Variants in FRMPD4 observed in about 807,000 individuals in gnomAD.
FRMPD4 encodes FERM and PDZ domain containing 4.
In FRMPD4, 22 loss-of-function variants were observed where a neutral mutation model predicts 94.1. The ratio of observed to expected loss-of-function variants is 0.23; its 90% CI spans 0.17 to 0.33. FRMPD4 has a LOEUF of 0.33. Ranked by LOEUF, FRMPD4 falls within the 10% of genes least tolerant of loss-of-function variation. The probability of loss-of-function intolerance (pLI) is 1.00; values close to 1 mark genes in which losing one functional copy is unlikely to be tolerated. For synonymous variants in FRMPD4, 631 were observed against 548.6 expected, an observed-to-expected ratio of 1.15 and a Z score of -2.10; for missense variants, 1,111 against 1,339.9, an observed-to-expected ratio of 0.83 and a Z score of 2.67.
intron 2 of FRMPD4, among the ~76,000 whole-genome samples, chrX:12,549,804 A>G (rs1282693789): frequency 8.9e-6 from 1 of 112,599 alleles, no homozygotes; most frequent in East Asian, 2.8e-4. Flanking sequence ...ACTCTGCCTT[A>G]CTTTCTACCT....
At chrX:12,658,761 G>A (rs1431795654) in intron 4 of FRMPD4, among the ~76,000 whole-genome samples, 1 of 110,710 alleles carries the variant, frequency 9.0e-6, no homozygotes. Context: ...CTTAAGAACC[G>A]AAGTTCATTT....
intron 2 of FRMPD4, among the ~76,000 whole-genome samples, chrX:12,557,727 T>C (rs2148340185): frequency 9.0e-6 from 1 of 111,652 alleles, no homozygotes; most frequent in East Asian, 2.8e-4. Context: ...CGTGATTTAT[T>C]CTAAGTGTTA....
At chrX:12,244,929 G>A (rs1200403184) in intron 1 of FRMPD4, among the ~76,000 whole-genome samples, 1 of 112,495 alleles carries the variant, frequency 8.9e-6, no homozygotes, top group Non-Finnish European at 1.9e-5. Flanking sequence ...AGGGTCCTGA[G>A]GCAGTCTCCT....
intron 3 of FRMPD4, among the ~76,000 whole-genome samples, chrX:12,079,477 G>A (rs1027578819): frequency 3.6e-5 from 4 of 111,345 alleles, no homozygotes; most frequent in Non-Finnish European, 5.7e-5. Context: ...CATTTCCAAA[G>A]GTTTATGTCC....
intron 1 of FRMPD4, among the ~76,000 whole-genome samples, chrX:12,477,395 G>A (rs6641008): frequency 0.08 from 8,987 of 111,727 alleles, 295 homozygotes; most frequent in East Asian, 0.15. Flanking sequence ...CATGGCACAC[G>A]TATACATATG....
At chrX:12,298,363 T>C (rs1040748033) in intron 1 of FRMPD4, among the ~76,000 whole-genome samples, 1 of 112,484 alleles carries the variant, frequency 8.9e-6, no homozygotes, top group African/African-American at 3.2e-5. Flanking sequence ...CAACTGAATA[T>C]ACAAGCTCTC....
At chrX:12,708,327 G>A (rs6641079) in intron 13 of FRMPD4, among the ~76,000 whole-genome samples, 13,602 of 109,504 alleles carry the variant, frequency 0.12, 1,192 homozygotes, top group East Asian at 0.71. Flanking sequence ...AAAATTAGCC[G>A]GGCGTGGTGG....
chrX:11,882,316 G>A (rs184441045), intron 3 of FRMPD4, among the ~76,000 whole-genome samples: 45 of 111,046 alleles, frequency 4.1e-4, no homozygotes, highest in African/African-American at 1.4e-3. Context: ...CAAAGGGGTC[G>A]AAGAGTGAGG....
At chrX:12,420,777 G>C (rs184471190) in intron 1 of FRMPD4, among the ~76,000 whole-genome samples, 1 of 112,343 alleles carries the variant, frequency 8.9e-6, no homozygotes, top group South Asian at 3.7e-4. Flanking sequence ...ACATGTAACC[G>C]CATGTTTGAT....
chrX:12,666,338 T>C (rs1216891671), intron 4 of FRMPD4, among the ~76,000 whole-genome samples: 1 of 110,874 alleles, frequency 9.0e-6, no homozygotes, highest in Admixed American at 9.6e-5. Context: ...GTGGGAGACT[T>C]TAACACCCCA....
chrX:12,526,976 TA>T (rs1374097666), intron 2 of FRMPD4, among the ~76,000 whole-genome samples: 3 of 109,046 alleles, frequency 2.8e-5, no homozygotes, highest in African/African-American at 1.0e-4. Flanking sequence ...ATTACAAGTT[TA>T]AAAAAAAAAG....
At position 12,718,388 on chromosome X, in the gene FRMPD4, G is replaced by A. The variant is rs2042148001; in HGVS notation, c.3562G>A (p.Ala1188Thr). Residue 1188 changes from alanine (A) to threonine (T), a missense_variant, in exon 16 of 17, where the codon GCC (alanine) becomes ACC (threonine). Around this residue, in one of 8 missense-constraint regions of FRMPD4, gnomAD observed 551 missense variants for 591.6 expected, o/e 0.93. Transcript: ENST00000675598. ...GCTTCCTGAGGCTGATGAGAGTGTG[G>A]CCCGCCTTTGTGACTACCACTTGGC... ...SKLPEADESV[A>T]RLCDYHLAKR... The A allele has an allele frequency of 8.3e-7, 1 of 1,210,201 alleles. No homozygotes were observed. The highest frequency in any genetic ancestry group is 2.2e-5 in the Admixed American group (1 of 45,906).
intron 3 of FRMPD4, among the ~76,000 whole-genome samples, chrX:11,919,150 T>C (rs1442849187): frequency 2.7e-5 from 3 of 112,710 alleles, no homozygotes; most frequent in Non-Finnish European, 5.6e-5. Context: ...TAGATTGTCC[T>C]GTGCATGGTA....
At chrX:12,354,983 T>C (rs964093286) in intron 1 of FRMPD4, among the ~76,000 whole-genome samples, 1 of 111,983 alleles carries the variant, frequency 8.9e-6, no homozygotes, top group Non-Finnish European at 1.9e-5. Flanking sequence ...CTAAGTTTGG[T>C]TTTTCCTTGA....
intron 4 of FRMPD4, among the ~76,000 whole-genome samples, chrX:12,673,212 C>T (rs1418332052): frequency 8.9e-6 from 1 of 112,232 alleles, no homozygotes; most frequent in Non-Finnish European, 1.9e-5. Flanking sequence ...ATGGCTACCA[C>T]GCTCACACAT....
chrX:12,637,095 A>G (rs1160680589), intron 4 of FRMPD4, among the ~76,000 whole-genome samples: 1 of 112,495 alleles, frequency 8.9e-6, no homozygotes, highest in Non-Finnish European at 1.9e-5. Context: ...ACATTTTTAA[A>G]TGATAAAATA....
intron 3 of FRMPD4, among the ~76,000 whole-genome samples, chrX:11,947,791 T>C (rs774169454): frequency 2.7e-5 from 3 of 111,249 alleles, no homozygotes; most frequent in Non-Finnish European, 5.7e-5. Flanking sequence ...AACTTTAAAA[T>C]TGTAGCAATC....
intron 1 of FRMPD4, among the ~76,000 whole-genome samples, chrX:12,410,108 T>C (rs998573303): frequency 3.1e-4 from 34 of 110,928 alleles, no homozygotes; most frequent in African/African-American, 9.8e-4. Context: ...ATCAGTCAGA[T>C]TAATTGTTTT....
chrX:12,605,610 T>G (rs2059124864), intron 2 of FRMPD4, among the ~76,000 whole-genome samples: 1 of 111,131 alleles, frequency 9.0e-6, no homozygotes, highest in South Asian at 3.8e-4. Context: ...TCCCATCACT[T>G]CTTTACTCCT....
Sources: gnomAD v4.1 joint callset for allele counts (sites outside exome capture counted in the v4.1 genomes callset) on GRCh38, gnomAD v4.1.1 for gene constraint, gnomAD v4.1.1 regional missense constraint, MANE v1.5 for transcripts, NCBI Gene and HGNC (gene_info 2026-07-23, HGNC 2026-07-21) for gene names.